The following PLB1 variants were observed in gnomAD, a reference collection of about 807,000 sequenced individuals.
PLB1 encodes phospholipase B1.
Under a neutral mutation model 227.4 loss-of-function variants are expected in PLB1, and 242 were observed. The ratio of observed to expected loss-of-function variants is 1.06; its 90% confidence interval spans 0.96 to 1.18. The LOEUF (loss-of-function observed/expected upper bound fraction) is 1.18. PLB1 is among the 50% of genes most tolerant of loss of function. PLB1 has a pLI of 0.00. For synonymous variants in PLB1, 757 were observed against 682.2 expected (o/e 1.11, Z -1.71); for missense variants, 1,858 against 1,816.3 (o/e 1.02, Z -0.42).
chr2:28,602,720 G>A (rs1185330328), intron 38 of PLB1, 101 bp from the exon 39 acceptor site: 8 of 1,049,968 alleles, frequency 7.6e-6, no homozygotes, highest in Non-Finnish European at 1.2e-5. Flanking sequence ...ACTCCAGAAA[G>A]ACCAAGCTGG....
intron 33 of PLB1, among the ~76,000 whole-genome samples, chr2:28,597,677 A>G (rs555786014): frequency 6.6e-6 from 1 of 152,352 alleles, no homozygotes; most frequent in South Asian, 2.1e-4. Context: ...ACATAGTCAC[A>G]TCTACATCAC....
chr2:28,586,550 G>C (rs1680937898), intron 26 of PLB1, among the ~76,000 whole-genome samples: 1 of 152,080 alleles, frequency 6.6e-6, no homozygotes, highest in South Asian at 2.1e-4. Flanking sequence ...TACCAGAGTG[G>C]ATCCATCCTT....
chr2:28,626,924 T>G (rs1468281850), intron 51 of PLB1, among the ~76,000 whole-genome samples: 1 of 152,172 alleles, frequency 6.6e-6, no homozygotes, highest in African/African-American at 2.4e-5. Flanking sequence ...TAACCAAACC[T>G]CAGTGGTGGC....
chr2:28,566,162 C>T (rs1296508912), intron 19 of PLB1, among the ~76,000 whole-genome samples: 1 of 152,144 alleles, frequency 6.6e-6, no homozygotes, highest in Non-Finnish European at 1.5e-5. Flanking sequence ...GAGTCTCTGG[C>T]ATCCTTCCTC....
intron 45 of PLB1, 69 bp downstream of exon 45, chr2:28,617,856 G>T: frequency 6.9e-7 from 1 of 1,441,452 alleles, no homozygotes; most frequent in South Asian, 1.1e-5. Context: ...GGGAGACCCT[G>T]CAAACATACC....
At chr2:28,602,614 G>A (rs973205717) in intron 38 of PLB1, among the ~76,000 whole-genome samples, 5 of 152,202 alleles carry the variant, frequency 3.3e-5, no homozygotes, top group African/African-American at 1.2e-4. Flanking sequence ...TGCCATTGCC[G>A]CTGCAGCCCC....
chr2:28,529,600 C>T (rs1670737897), intron 7 of PLB1, 128 bp from the exon 8 acceptor site: 5 of 1,055,444 alleles, frequency 4.7e-6, no homozygotes, highest in South Asian at 3.0e-5. Context: ...GGTCAATGCC[C>T]ACCCTTCAGA....
chr2:28,634,969 C>A (rs967322765), intron 56 of PLB1, among the ~76,000 whole-genome samples: 1 of 152,022 alleles, frequency 6.6e-6, no homozygotes, highest in African/African-American at 2.4e-5. Flanking sequence ...TAAAGCAGTT[C>A]AGTAGCTCTT....
chr2:28,512,800 A>T (rs1668437680), intron 1 of PLB1, among the ~76,000 whole-genome samples: 2 of 152,052 alleles, frequency 1.3e-5, no homozygotes, highest in Admixed American at 1.3e-4. Flanking sequence ...TGAGACCATA[A>T]TGTTCTGTTG....
intron 19 of PLB1, among the ~76,000 whole-genome samples, chr2:28,566,035 G>T (rs371964149): frequency 2.0e-5 from 3 of 152,246 alleles, no homozygotes; most frequent in East Asian, 3.9e-4. Flanking sequence ...ATCACTTTGG[G>T]CAGGCTTATT....
chr2:28,541,837 A>G (rs758082040), intron 13 of PLB1, 26 bp downstream of exon 13: 1 of 1,574,178 alleles, frequency 6.4e-7, no homozygotes, highest in Non-Finnish European at 8.7e-7. Flanking sequence ...ATGGCGTATC[A>G]AGAGTGTGGT....
chr2:28,630,781 G>T (rs1237146858), intron 54 of PLB1, 117 bp downstream of exon 54: 6 of 777,110 alleles, frequency 7.7e-6, no homozygotes, highest in Non-Finnish European at 1.2e-5. Context: ...CCTAAAAGCA[G>T]ATTGCAGCCC....
intron 35 of PLB1, 35 bp downstream of exon 35, chr2:28,598,795 C>T (rs7557359): frequency 0.56 from 860,438 of 1,547,648 alleles, 242,352 homozygotes; most frequent in East Asian, 0.86. Context: ...GCCTGCAGAG[C>T]AGGGAGTGGA....
chr2:28,543,687 C>T (rs72788061), intron 14 of PLB1, among the ~76,000 whole-genome samples: 8,234 of 152,250 alleles, frequency 0.054, 288 homozygotes, highest in East Asian at 0.091. Flanking sequence ...TGGGCTGCAG[C>T]GTGATGAAGG....
chr2:28,628,293 C>T (rs1376170901), intron 51 of PLB1, among the ~76,000 whole-genome samples: 1 of 152,116 alleles, frequency 6.6e-6, no homozygotes, highest in African/African-American at 2.4e-5. Flanking sequence ...TGGCAGGACC[C>T]AGCACTGGCA....
chr2:28,572,113 A>G (rs1390441607), intron 20 of PLB1, among the ~76,000 whole-genome samples: 2 of 152,214 alleles, frequency 1.3e-5, no homozygotes, highest in African/African-American at 4.8e-5. Flanking sequence ...CTGAATAGAC[A>G]TTTTTCCACA....
intron 23 of PLB1, 80 bp from the exon 24 acceptor site, chr2:28,581,988 A>G: frequency 7.5e-6 from 10 of 1,335,590 alleles, no homozygotes; most frequent in South Asian, 2.5e-5. Flanking sequence ...AAAGAAGGGG[A>G]CCCAAGAGAG....
intron 14 of PLB1, 121 bp from the exon 15 acceptor site, chr2:28,548,739 C>T (rs907611203): frequency 2.7e-5 from 24 of 892,710 alleles, no homozygotes; most frequent in South Asian, 5.9e-5. Context: ...GGGCTGGACA[C>T]GTGCATTTCT....
chr2:28,582,714 G>A (rs1292221125), intron 25 of PLB1, among the ~76,000 whole-genome samples: 1 of 152,098 alleles, frequency 6.6e-6, no homozygotes, highest in Non-Finnish European at 1.5e-5. Flanking sequence ...GTGTGCATGG[G>A]GAACTACCCC....
Sources: gnomAD v4.1 joint callset for allele counts (sites outside exome capture counted in the v4.1 genomes callset) on GRCh38, gnomAD v4.1.1 for gene constraint, MANE v1.5 for transcripts, NCBI Gene and HGNC (gene_info 2026-07-23, HGNC 2026-07-21) for gene names.